DTNA: variants seen among roughly 807,000 people sequenced by gnomAD.
DTNA encodes dystrobrevin alpha.
Under a neutral mutation model 100.7 loss-of-function variants are expected in DTNA, and 43 were observed. The observed-to-expected ratio is 0.43, with a 90% CI of 0.33 to 0.55. The LOEUF (loss-of-function observed/expected upper bound fraction) is 0.55, where lower values mean the gene tolerates loss of function less well. Among genes scored for constraint, DTNA ranks in the 20% least tolerant of loss-of-function variants. The pLI, the probability that DTNA is intolerant of heterozygous loss-of-function variation, is 0.04. For synonymous variants in DTNA, 349 were observed against 347.9 expected, an observed-to-expected ratio of 1.00 and a Z score of -0.04; for missense variants, 798 against 953.9, an observed-to-expected ratio of 0.84 and a Z score of 2.15.
At chr18:34,726,066 G>A (rs960387112) in intron 1 of DTNA, among the ~76,000 whole-genome samples, 3 of 152,130 alleles carry the variant, frequency 2.0e-5, no homozygotes, top group Non-Finnish European at 2.9e-5. Flanking sequence ...CATGGACACA[G>A]GGAGGGAACG....
chr18:34,706,252 AT>A (rs2082105506), upstream of DTNA, among the ~76,000 whole-genome samples: 1 of 152,192 alleles, frequency 6.6e-6, no homozygotes, highest in African/African-American at 2.4e-5. Context: ...CCAGCCATGA[AT>A]TTTTAATGTA....
chr18:34,828,077 A>C (rs532550005), intron 10 of DTNA, among the ~76,000 whole-genome samples: 1 of 152,298 alleles, frequency 6.6e-6, no homozygotes, highest in South Asian at 2.1e-4. Flanking sequence ...TTTAAAGCTA[A>C]GATACAAAAG....
intron 1 of DTNA, among the ~76,000 whole-genome samples, chr18:34,611,064 G>A (rs1012509807): frequency 5.9e-5 from 9 of 152,136 alleles, no homozygotes; most frequent in Non-Finnish European, 1.2e-4. Flanking sequence ...AGAAAGAGGA[G>A]ATTATTTTAT....
chr18:34,653,199 A>G (rs893845145), intron 1 of DTNA, among the ~76,000 whole-genome samples: 4 of 152,186 alleles, frequency 2.6e-5, no homozygotes, highest in Non-Finnish European at 2.9e-5. Flanking sequence ...ATTTATTCTT[A>G]TAATCATGGT....
At chr18:34,512,958 C>G (rs6507093) in intron 1 of DTNA, among the ~76,000 whole-genome samples, 6,036 of 151,974 alleles carry the variant, frequency 0.04, 378 homozygotes, top group African/African-American at 0.14. Context: ...AAGATGTGAC[C>G]ACTGCTATAA....
At chr18:34,836,189 GT>G (rs938647879) in intron 11 of DTNA, among the ~76,000 whole-genome samples, 6 of 152,198 alleles carry the variant, frequency 3.9e-5, no homozygotes, top group Admixed American at 3.9e-4. Flanking sequence ...AACAGAAACA[GT>G]TTTGGTGGTA....
At chr18:34,855,661 G>A (rs975804980) in intron 15 of DTNA, among the ~76,000 whole-genome samples, 2 of 152,152 alleles carry the variant, frequency 1.3e-5, no homozygotes, top group African/African-American at 4.8e-5. Flanking sequence ...GTCAAAGGGG[G>A]CTTTGTGGAA....
At chr18:34,739,479 T>C (rs937868951) in intron 1 of DTNA, among the ~76,000 whole-genome samples, 3 of 152,160 alleles carry the variant, frequency 2.0e-5, no homozygotes, top group Non-Finnish European at 4.4e-5. Context: ...GTTTAAAACA[T>C]TTCCAGACAG....
chr18:34,709,777 A>G (rs1473826268), upstream of DTNA, among the ~76,000 whole-genome samples: 1 of 152,210 alleles, frequency 6.6e-6, no homozygotes, highest in Non-Finnish European at 1.5e-5. Context: ...TTTACCTCCC[A>G]CATCTAAGCT....
chr18:34,820,743 T>G (rs1484429641), intron 8 of DTNA, 48 bp from the exon 9 acceptor site: 1 of 1,612,856 alleles, frequency 6.2e-7, no homozygotes, highest in Non-Finnish European at 8.5e-7. Context: ...GATAAAATAT[T>G]ACATAAATAT....
At chr18:34,713,920 T>C (rs1315296416) in intron 1 of DTNA, among the ~76,000 whole-genome samples, 2 of 152,116 alleles carry the variant, frequency 1.3e-5, no homozygotes, top group East Asian at 3.9e-4. Flanking sequence ...TGGCTCTCTG[T>C]CTGTTGTTGG....
intron 1 of DTNA, among the ~76,000 whole-genome samples, chr18:34,538,747 A>T (rs1489249743): frequency 6.6e-6 from 1 of 152,048 alleles, no homozygotes; most frequent in Non-Finnish European, 1.5e-5. Flanking sequence ...TACCTCATGC[A>T]AAAATGAATT....
chr18:34,756,253 A>G (rs2092761398), intron 2 of DTNA, among the ~76,000 whole-genome samples: 1 of 152,158 alleles, frequency 6.6e-6, no homozygotes, highest in Admixed American at 6.5e-5. Context: ...TAGACTGTCT[A>G]TTTTATGTGG....
At chr18:34,629,905 C>T (rs1163878513) in intron 1 of DTNA, among the ~76,000 whole-genome samples, 10 of 152,188 alleles carry the variant, frequency 6.6e-5, no homozygotes, top group Non-Finnish European at 5.9e-5. Context: ...TGCTGGGCCT[C>T]TGATTCCATG....
At chr18:34,839,927 TG>T (rs2096237597) in intron 13 of DTNA, among the ~76,000 whole-genome samples, 1 of 152,180 alleles carries the variant, frequency 6.6e-6, no homozygotes, top group African/African-American at 2.4e-5. Context: ...GCTAGGCCAT[TG>T]CTCCATGCTC....
chr18:34,681,698 A>C (rs2078131308), intron 1 of DTNA, among the ~76,000 whole-genome samples: 1 of 93,396 alleles, frequency 1.1e-5, no homozygotes, highest in Admixed American at 9.7e-5. Flanking sequence ...TATACACAAC[A>C]CACACACACA....
At chr18:34,661,814 A>G (rs1255049317) in intron 1 of DTNA, among the ~76,000 whole-genome samples, 1 of 152,120 alleles carries the variant, frequency 6.6e-6, no homozygotes, top group Non-Finnish European at 1.5e-5. Flanking sequence ...ATATATTTGG[A>G]GAAATCAAAA....
At position 34,888,611 on chromosome 18, in the gene DTNA, C is replaced by T. The variant is rs1008083078; in HGVS notation, c.*877C>T. The T allele has an allele frequency of 1.0e-6, 1 of 985,760 alleles. No individual in the cohort carries two copies. The highest frequency in any genetic ancestry group is 1.2e-6 in the Non-Finnish European group (1 of 829,908). The allele number at this position is 985,760 out of a possible 1,614,324, so 61.1% of individuals were successfully genotyped here. On this transcript the variant is annotated 3_prime_UTR_variant, in exon 23 of 23. Transcript: ENST00000444659. ...TCTAGTTTTTAAAATCAGCACAGATCTTCTTAAAAACTGTGAACTATGTTT... is the reference window on the plus strand; with the variant it reads ...TCTAGTTTTTAAAATCAGCACAGATTTTCTTAAAAACTGTGAACTATGTTT...
intron 1 of DTNA, among the ~76,000 whole-genome samples, chr18:34,715,889 A>C (rs112380623): frequency 2.0e-5 from 3 of 152,240 alleles, no homozygotes; most frequent in Non-Finnish European, 4.4e-5. Context: ...AATTTTAAAA[A>C]TATCTACAAA....
Sources: gnomAD v4.1 joint callset for allele counts (sites outside exome capture counted in the v4.1 genomes callset) on GRCh38, gnomAD v4.1.1 for gene constraint, MANE v1.5 for transcripts, NCBI Gene and HGNC (gene_info 2026-07-23, HGNC 2026-07-21) for gene names.